FNIP1: variants seen among roughly 807,000 people sequenced by gnomAD.
The protein encoded by FNIP1 is folliculin-interacting protein 1.
In FNIP1, 40 loss-of-function variants were observed where a neutral mutation model predicts 124.5. The observed-to-expected ratio is 0.32, with a 90% CI of 0.25 to 0.42. The LOEUF (loss-of-function observed/expected upper bound fraction) is 0.42. FNIP1 is among the 10% of genes least tolerant of loss of function. The pLI, the probability that FNIP1 is intolerant of heterozygous loss-of-function variation, is 1.00. For missense variants in FNIP1, 1,176 were observed against 1,403.7 expected, an observed-to-expected ratio of 0.84 and a Z score of 2.59; for synonymous variants, 472 against 470.6, an observed-to-expected ratio of 1.00 and a Z score of -0.04.
At chr5:131,784,660 C>CA (rs1196445142) in intron 1 of FNIP1, among the ~76,000 whole-genome samples, 1 of 151,092 alleles carries the variant, frequency 6.6e-6, no homozygotes, top group East Asian at 1.9e-4. Flanking sequence ...CCCATCTCTA[C>CA]AAAAAATAAA....
At chr5:131,745,878 C>T (rs923898905) in intron 1 of FNIP1, among the ~76,000 whole-genome samples, 2 of 152,082 alleles carry the variant, frequency 1.3e-5, no homozygotes, top group Non-Finnish European at 2.9e-5. Context: ...ATAAAGAAAA[C>T]AATGTAAGTA....
At chr5:131,770,886 G>A (rs780204833) in intron 1 of FNIP1, among the ~76,000 whole-genome samples, 6 of 152,098 alleles carry the variant, frequency 3.9e-5, no homozygotes, top group Non-Finnish European at 5.9e-5. Context: ...GTTTGTATGT[G>A]CACCAAACAT....
At chr5:131,769,269 T>TTATTAGAATGA (rs1771544503) in intron 1 of FNIP1, among the ~76,000 whole-genome samples, 1 of 152,206 alleles carries the variant, frequency 6.6e-6, no homozygotes, top group Non-Finnish European at 1.5e-5. Flanking sequence ...TTTCAAGAAG[T>TTATTAGAATGA]CATTCTAATA....
At chr5:131,721,712 C>T (rs769866615) in intron 3 of FNIP1, among the ~76,000 whole-genome samples, 2 of 152,286 alleles carry the variant, frequency 1.3e-5, no homozygotes, top group South Asian at 2.1e-4. Flanking sequence ...GCAGGAGAAT[C>T]GCTTGAGCCC....
At chr5:131,769,796 T>C (rs1771564544) in intron 1 of FNIP1, among the ~76,000 whole-genome samples, 1 of 152,232 alleles carries the variant, frequency 6.6e-6, no homozygotes, top group Non-Finnish European at 1.5e-5. Flanking sequence ...CTGGGATTTT[T>C]ACAGAAGCAA....
chr5:131,702,949 C>G (rs1169659418), intron 10 of FNIP1, among the ~76,000 whole-genome samples: 1 of 152,220 alleles, frequency 6.6e-6, no homozygotes, highest in African/African-American at 2.4e-5. Flanking sequence ...TGCCTGTCCT[C>G]TCTTGCCAAT....
At chr5:131,737,876 C>T (rs1245651866) in intron 2 of FNIP1, among the ~76,000 whole-genome samples, 1 of 152,154 alleles carries the variant, frequency 6.6e-6, no homozygotes, top group Non-Finnish European at 1.5e-5. Flanking sequence ...CCTGTATTCC[C>T]TAGTGCTTAA....
rs1270914424 is a variant in FNIP1, at chr5:131,677,823, C to T, written c.1399G>A (p.Val467Ile). ...TAVLTNHLAW[V>I]PTVMPNGQPP... ...TGTCCATTTGGCATGACTGTTGGAACCCAGGCAAGATGATTGGTCAGAACT... is the reference window on the plus strand; with the variant it reads ...TGTCCATTTGGCATGACTGTTGGAATCCAGGCAAGATGATTGGTCAGAACT... The change falls in exon 13 of 18, where the codon GTT becomes ATT. Residue 467 changes from valine (V) to isoleucine (I), a missense_variant. Val to Ile is a conservative substitution (Grantham distance 29). Around this residue, in one of 2 missense-constraint regions of FNIP1, gnomAD observed 1,109 missense variants for 1,288.5 expected, o/e 0.86. Transcript: ENST00000510461. 1 of 1,614,018 alleles carries T rather than the reference C, an allele frequency of 6.2e-7. No individual in the cohort carries two copies. The highest frequency in any genetic ancestry group is 8.5e-7 in the Non-Finnish European group (1 of 1,179,984).
At chr5:131,721,565 T>C (rs1769662959) in intron 3 of FNIP1, among the ~76,000 whole-genome samples, 1 of 152,068 alleles carries the variant, frequency 6.6e-6, no homozygotes, top group South Asian at 2.1e-4. Flanking sequence ...TTGGGAGGCT[T>C]AGGCGAGAGG....
chr5:131,665,594 GT>G (rs1258920994), intron 15 of FNIP1, among the ~76,000 whole-genome samples: 219 of 139,458 alleles, frequency 1.6e-3, no homozygotes, highest in Middle Eastern at 3.8e-3. Context: ...ATATAGATAG[GT>G]TTTTTTTTTT....
chr5:131,785,178 C>G (rs567471306), intron 1 of FNIP1, among the ~76,000 whole-genome samples: 1 of 102,360 alleles, frequency 9.8e-6, no homozygotes, highest in Non-Finnish European at 2.4e-5. Flanking sequence ...ATATATATAT[C>G]ATATATATGA....
intron 11 of FNIP1, among the ~76,000 whole-genome samples, chr5:131,693,005 A>C (rs1399615166): frequency 6.7e-6 from 1 of 148,264 alleles, no homozygotes; most frequent in Non-Finnish European, 1.5e-5. Context: ...GAGACTGTCT[A>C]AAAAAAAAAT....
chr5:131,716,578 C>A lies in FNIP1; in HGVS notation c.609G>T (p.Leu203=), dbSNP rs749753492. The change falls in exon 6 of 18, where the codon CTG becomes CTT. Residue 203 remains leucine, a synonymous_variant. Transcript: ENST00000510461. ...GGAACCATTTACCTATATTTCCAAG[C>A]AGTCCATTAATAACTGTGTTATTAT... ...KADNNTVING[L]LGNIGLSQFC... The A allele has an allele frequency of 8.1e-6, 13 of 1,595,620 alleles. No individual in the cohort carries two copies. The highest frequency in any genetic ancestry group is 1.1e-5 in the South Asian group (1 of 88,362).
At chr5:131,770,184 G>A (rs1399420630) in intron 1 of FNIP1, among the ~76,000 whole-genome samples, 2 of 152,212 alleles carry the variant, frequency 1.3e-5, no homozygotes, top group African/African-American at 4.8e-5. Context: ...TGACAAGCAA[G>A]TTGAAAAGCA....
rs1766731777 is a variant in FNIP1, at chr5:131,641,991, AAC to A, written c.*2692_*2693del. On this transcript the variant is annotated 3_prime_UTR_variant, in exon 18 of 18. Coordinates refer to ENST00000510461, the MANE Select transcript of FNIP1 (RefSeq NM_133372.3). ...GTTTTTATTGCACTTAACATTTTCA[AAC>A]TCAAAATTAAGACATATTAATAAAA... 1 of 152,788 alleles carries A rather than the reference AAC, an allele frequency of 6.5e-6. No homozygotes were observed. Among genetic ancestry groups the A allele is most frequent in the African/African-American group, 2.4e-5 (1 of 41,466 alleles). 9.5% of individuals were successfully genotyped at this position (152,788 alleles called of 1,614,324 possible).
chr5:131,763,917 C>T (rs1431512580), intron 1 of FNIP1, among the ~76,000 whole-genome samples: 1 of 152,072 alleles, frequency 6.6e-6, no homozygotes, highest in Non-Finnish European at 1.5e-5. Flanking sequence ...CTGCCAAAAT[C>T]TCATGTTGAA....
At chr5:131,684,926 CTCAGAAAGAA>C (rs1401689129) in intron 11 of FNIP1, among the ~76,000 whole-genome samples, 1 of 152,142 alleles carries the variant, frequency 6.6e-6, no homozygotes, top group Non-Finnish European at 1.5e-5. Flanking sequence ...ATATGTGATA[CTCAGAAAGAA>C]TCCTGAAGGA....
At chr5:131,726,015 G>T (rs2149546853) in intron 3 of FNIP1, among the ~76,000 whole-genome samples, 1 of 152,264 alleles carries the variant, frequency 6.6e-6, no homozygotes, top group African/African-American at 2.4e-5. Context: ...TGCATATGTT[G>T]AACCAGCCTT....
In FNIP1 at chr5:131,671,760, G is replaced by A; in HGVS notation, c.2684C>T (p.Ser895Leu). The A allele has an allele frequency of 6.2e-7, 1 of 1,614,146 alleles. No homozygotes were observed. The highest frequency in any genetic ancestry group is 8.5e-7 in the Non-Finnish European group (1 of 1,180,028). Residue 895 changes from serine (S) to leucine (L), a missense_variant, in exon 14 of 18, where the codon TCA (serine) becomes TTA (leucine). Transcript: ENST00000510461. ...CTGCTGAGGAAAGCAGGTTTTACAT[G>A]AATCTTGGGGAACTGTTTCTATACA... ...CKCIETVPQDSCKTCFPQQDQ... is the reference protein window; with the variant it reads ...CKCIETVPQDLCKTCFPQQDQ...
Sources: gnomAD v4.1 joint callset for allele counts (sites outside exome capture counted in the v4.1 genomes callset) on GRCh38, gnomAD v4.1.1 for gene constraint, gnomAD v4.1.1 regional missense constraint, MANE v1.5 for transcripts, NCBI Gene and HGNC (gene_info 2026-07-23, HGNC 2026-07-21) for gene names.